Variants in CLN6 observed in about 807,000 individuals in gnomAD.
CLN6 encodes CLN6 transmembrane ER protein, also known as ceroid-lipofuscinosis neuronal protein 6.
A neutral mutation model predicts 33.3 loss-of-function variants in CLN6; 22 were observed. The ratio of observed to expected loss-of-function variants is 0.66; its 90% CI spans 0.47 to 0.94. The LOEUF (loss-of-function observed/expected upper bound fraction) is 0.94, where lower values mean the gene tolerates loss of function less well. Ranked by LOEUF, CLN6 falls within the 40% of genes least tolerant of loss-of-function variation. CLN6 has a pLI of 0.00. For synonymous variants in CLN6, 201 were observed against 174.6 expected, an observed-to-expected ratio of 1.15 and a Z score of -1.19; for missense variants, 387 against 417.1, an observed-to-expected ratio of 0.93 and a Z score of 0.63.
At chr15:68,233,276 C>T (rs935788410), upstream of CLN6, among the ~76,000 whole-genome samples, 5 of 136,116 alleles carry the variant, frequency 3.7e-5, no homozygotes, top group Non-Finnish European at 7.6e-5. This position sits in a 1 kb window ranked among gnomAD's most constrained non-coding sequence, Gnocchi z 4.3. Context: ...ATCTTTCCAG[C>T]ATGCTCAATG....
In CLN6 at chr15:68,228,233, C is replaced by T. The variant is rs1357759938; in HGVS notation, c.83+1269G>A. Among the ~76,000 whole-genome samples, 1 of 152,198 alleles carries T rather than the reference C, an allele frequency of 6.6e-6. No homozygotes were observed. Among genetic ancestry groups the T allele is most frequent in the Non-Finnish European group, 1.5e-5 (1 of 68,042 alleles). ...TCCGCAGCAGCAGAAACGAGCCATCCCTCACCTCAGCCCAAGCGCTCAGAC... is the reference window on the plus strand; with the variant it reads ...TCCGCAGCAGCAGAAACGAGCCATCTCTCACCTCAGCCCAAGCGCTCAGAC... On this transcript the variant is annotated intron_variant, in intron 1 of 6. Coordinates refer to ENST00000249806, the MANE Select transcript of CLN6 (RefSeq NM_017882.3). This position sits in a 1 kb window ranked among gnomAD's most constrained non-coding sequence, Gnocchi z 4.4.
rs374271754 is a variant in CLN6, at chr15:68,208,407, G to A, written c.669C>T (p.Tyr223=). ...LVAPSGLYYW[Y]LVTEGQIFIL... is the part of the protein sequence containing the mutation. The stretch of plus-strand genomic sequence containing the variant: ...TGAAGATCTGGCCCTCGGTGACCAG[G>A]TACCTGGAAAGGCCAGGGGTGAGTG... The change falls in exon 7 of 7, where the codon TAC becomes TAT. Residue 223 remains tyrosine (Y), a synonymous_variant. Coordinates refer to ENST00000249806, the MANE Select transcript of CLN6 (RefSeq NM_017882.3). The surrounding 1 kb of genome is among the most constrained non-coding windows in gnomAD (Gnocchi z 5.8). The A allele has an allele frequency of 3.7e-6, 6 of 1,612,446 alleles. No homozygotes were observed. In the African/African-American group the frequency reaches 6.7e-5, roughly 18 times the overall value.
chr15:68,218,756 G>T, intron 1 of CLN6, 106 bp from the exon 2 acceptor site: 2 of 787,002 alleles, frequency 2.5e-6, no homozygotes, highest in Non-Finnish European at 4.4e-6. Flanking sequence ...GACAGGAGGA[G>T]ACACACATAA....
chr15:68,237,938 TA>T (rs1892237787), intron 1 of CLN6, among the ~76,000 whole-genome samples: 1 of 146,512 alleles, frequency 6.8e-6, no homozygotes, highest in South Asian at 2.2e-4. Flanking sequence ...GCCTGGCCAA[TA>T]TGGTGAAACC....
At chr15:68,222,867 A>C (rs2093241824) in intron 1 of CLN6, among the ~76,000 whole-genome samples, 1 of 152,196 alleles carries the variant, frequency 6.6e-6, no homozygotes, top group Non-Finnish European at 1.5e-5. Flanking sequence ...GTGTCCACTC[A>C]GGGTTAAATG....
upstream of CLN6, chr15:68,229,790 G>A (rs987337802): frequency 5.7e-5 from 20 of 352,564 alleles, no homozygotes; most frequent in African/African-American, 4.3e-4. Flanking sequence ...GAGGCGGGGC[G>A]GAGGGAGACG....
rs1241716344 is a variant in CLN6, at chr15:68,219,569, T to A, written c.84-919A>T. ...CTGAAGTTCCAGGACCAGTGCTGCC[T>A]CCTCTGGGAAGGCTTCCCTGATGAA... is the stretch of plus-strand genomic sequence containing the variant. On this transcript the variant is annotated intron_variant, in intron 1 of 6. Transcript: ENST00000249806. This position sits in a 1 kb window ranked among gnomAD's most constrained non-coding sequence, Gnocchi z 4.2. 1.3e-5 allele frequency among the ~76,000 whole-genome samples: 2 copies of A among 152,158 alleles called. No individual in the cohort carries two copies. Among genetic ancestry groups the A allele is most frequent in the Non-Finnish European group, 1.5e-5 (1 of 68,032 alleles).
At chr15:68,221,584 C>T (rs970232260) in intron 1 of CLN6, among the ~76,000 whole-genome samples, 1 of 152,174 alleles carries the variant, frequency 6.6e-6, no homozygotes, top group Non-Finnish European at 1.5e-5. Context: ...TCGCTACAAC[C>T]TCCACCTCCC....
intron 1 of CLN6, among the ~76,000 whole-genome samples, chr15:68,237,718 G>C (rs1427587804): frequency 6.6e-6 from 1 of 152,184 alleles, no homozygotes; most frequent in Admixed American, 6.5e-5. Context: ...CAGAAGGAGA[G>C]AGTAGAGAGA....
chr15:68,247,343 T>C lies in CLN6; in HGVS notation c.179+9347A>G, dbSNP rs1892338145. Among the ~76,000 whole-genome samples the C allele has an allele frequency of 6.6e-6, 1 of 151,988 alleles. No individual in the cohort carries two copies. Among genetic ancestry groups the C allele is most frequent in the African/African-American group, 2.4e-5 (1 of 41,332 alleles). The stretch of plus-strand genomic sequence containing the variant: ...TGGATACAAAATCAACAGACAAAAA[T>C]CTGTAGCATTTCTATCCAATAATGA... On this transcript the variant is annotated intron_variant, in intron 1 of 6. Coordinates refer to the CLN6 transcript ENST00000538696. The surrounding 1 kb of genome is among the most constrained non-coding windows in gnomAD (Gnocchi z 4.2).
intron 1 of CLN6, among the ~76,000 whole-genome samples, chr15:68,253,347 C>A (rs1595832780): frequency 6.6e-6 from 1 of 152,148 alleles, no homozygotes; most frequent in East Asian, 1.9e-4. Context: ...TTTCTTTCTG[C>A]CTGGTTATGT....
intron 2 of CLN6, among the ~76,000 whole-genome samples, chr15:68,217,816 T>C (rs2093224540): frequency 6.6e-6 from 1 of 152,148 alleles, no homozygotes; most frequent in Non-Finnish European, 1.5e-5. Context: ...TACCTGGTGA[T>C]ATCTCACTTA....
intron 1 of CLN6, among the ~76,000 whole-genome samples, chr15:68,245,989 T>G (rs1452690427): frequency 6.6e-6 from 1 of 152,120 alleles, no homozygotes; most frequent in Non-Finnish European, 1.5e-5. Context: ...TATATAATGA[T>G]AAAGGGGTCA....
In CLN6 at chr15:68,207,171, G is replaced by A. The variant is rs1446519796; in HGVS notation, c.*969C>T. 6.6e-6 allele frequency: 1 copy of A among 152,250 alleles called. No individual in the cohort carries two copies. Among genetic ancestry groups the A allele is most frequent in the Non-Finnish European group, 1.5e-5 (1 of 68,078 alleles). 9.4% of individuals were successfully genotyped at this position (152,250 alleles called of 1,614,324 possible). On this transcript the variant is annotated 3_prime_UTR_variant, in exon 7 of 7. Transcript: ENST00000249806. ...GAGGTTCCTCCTCCCTTGAAACCCT[G>A]GGCCACTCTGTCAAGGCAAAGCCTC...
Position 68,246,268 on chromosome 15 carries a change from T to C in CLN6, c.179+10422A>G, listed in dbSNP as rs1444219395. 1.3e-5 allele frequency among the ~76,000 whole-genome samples: 2 copies of C among 152,148 alleles called. No homozygotes were observed. Among genetic ancestry groups the C allele is most frequent in the African/African-American group, 4.8e-5 (2 of 41,416 alleles). On this transcript the variant is annotated intron_variant, in intron 1 of 6. Coordinates refer to the CLN6 transcript ENST00000538696. The surrounding 1 kb of genome is among the most constrained non-coding windows in gnomAD (Gnocchi z 4.5). Reference sequence around the variant, plus strand: ...CACCCAACTGCTGCAGAATACACATTGTTTTCATAAACACATGTAACATTC... The same window carrying C: ...CACCCAACTGCTGCAGAATACACATCGTTTTCATAAACACATGTAACATTC...
chr15:68,212,567 G>C (rs1319822731), intron 3 of CLN6: 1 of 153,072 alleles, frequency 6.5e-6, no homozygotes, highest in East Asian at 1.9e-4. Flanking sequence ...TTTTCTTTGA[G>C]ACAGGGTCTC....
chr15:68,225,637 CTG>C (rs969940352), intron 1 of CLN6, among the ~76,000 whole-genome samples: 7 of 152,312 alleles, frequency 4.6e-5, no homozygotes, highest in African/African-American at 1.7e-4. Flanking sequence ...AAGGCATGTG[CTG>C]TCACACATGG....
intron 2 of CLN6, chr15:68,215,416 G>C (rs1372796020): frequency 1.3e-5 from 2 of 152,178 alleles, no homozygotes; most frequent in African/African-American, 2.4e-5. Flanking sequence ...ATCCCTGATA[G>C]TACTTCTTAC....
At chr15:68,224,026 G>GT (rs1488364750) in intron 1 of CLN6, among the ~76,000 whole-genome samples, 1 of 149,964 alleles carries the variant, frequency 6.7e-6, no homozygotes, top group Admixed American at 6.7e-5. Flanking sequence ...AGCCTGGGCA[G>GT]TAAGAGTGAA....
Sources: gnomAD v4.1 joint callset for allele counts (sites outside exome capture counted in the v4.1 genomes callset) on GRCh38, gnomAD v4.1.1 for gene constraint, Gnocchi (gnomAD v3.1) non-coding constraint, MANE v1.5 for transcripts, NCBI Gene and HGNC (gene_info 2026-07-23, HGNC 2026-07-21) for gene names.